Variants in KCNQ1 observed in about 807,000 individuals in gnomAD.
KCNQ1 encodes the protein potassium voltage-gated channel subfamily KQT member 1.
In KCNQ1, 49 loss-of-function variants were observed where a neutral mutation model predicts 72.4. The ratio of observed to expected loss-of-function variants is 0.68; its 90% CI spans 0.54 to 0.86. The LOEUF (loss-of-function observed/expected upper bound fraction) is 0.86. KCNQ1 is among the 40% of genes least tolerant of loss of function. The pLI, the probability that KCNQ1 is intolerant of heterozygous loss-of-function variation, is 0.00. For synonymous variants in KCNQ1, 450 were observed against 412.6 expected, an observed-to-expected ratio of 1.09 and a Z score of -1.10; for missense variants, 790 against 945.1, an observed-to-expected ratio of 0.84 and a Z score of 2.15.
chr11:2,514,181 G>A (rs1483896237), intron 1 of KCNQ1, among the ~76,000 whole-genome samples: 1 of 152,252 alleles, frequency 6.6e-6, no homozygotes, highest in African/African-American at 2.4e-5. Flanking sequence ...CGGCCATGGA[G>A]GCAGTGAGAA....
intron 11 of KCNQ1, chr11:2,693,763 G>C: frequency 2.5e-6 from 1 of 398,720 alleles, no homozygotes; most frequent in African/African-American, 2.1e-5. Context: ...CCAGTAACCT[G>C]GACATGCTGG....
chr11:2,553,424 C>A (rs1032436636), intron 2 of KCNQ1, among the ~76,000 whole-genome samples: 1 of 151,936 alleles, frequency 6.6e-6, no homozygotes, highest in African/African-American at 2.4e-5. Flanking sequence ...ACTTATCAGG[C>A]CAAGAAGTTC....
intron 2 of KCNQ1, among the ~76,000 whole-genome samples, chr11:2,551,134 A>G (rs1014281590): frequency 6.6e-6 from 1 of 152,152 alleles, no homozygotes; most frequent in Non-Finnish European, 1.5e-5. Flanking sequence ...TAAGTTACAT[A>G]CAGGAAAACT....
rs1363739563 is a variant in KCNQ1, at chr11:2,783,934, AT to A, written c.1794+5899del. On this transcript the variant is annotated intron_variant, in intron 15 of 15. Coordinates refer to ENST00000155840, the MANE Select transcript of KCNQ1 (RefSeq NM_000218.3). This position sits in a 1 kb window ranked among gnomAD's most constrained non-coding sequence, Gnocchi z 5.2. ...CTATGACTTGCAAATATTTTCTCCC[AT>A]TCTGTGGCTGTCTTTTCATTTCCTT... Among the ~76,000 whole-genome samples, 1 of 151,980 alleles carries A rather than the reference AT, an allele frequency of 6.6e-6. No homozygotes were observed. Among genetic ancestry groups the A allele is most frequent in the Non-Finnish European group, 1.5e-5 (1 of 67,874 alleles).
chr11:2,786,949 G>GTTTTTTTT (rs5789272), intron 15 of KCNQ1, among the ~76,000 whole-genome samples: 86 of 120,210 alleles, frequency 7.2e-4, no homozygotes, highest in Middle Eastern at 4.3e-3. Flanking sequence ...TTTCGTTTCT[G>GTTTTTTTT]TTTTTTTTTT....
chr11:2,801,674 A>G (rs913815030), intron 15 of KCNQ1, among the ~76,000 whole-genome samples: 3 of 152,146 alleles, frequency 2.0e-5, no homozygotes, highest in African/African-American at 7.2e-5. Flanking sequence ...TCAACATGTG[A>G]ATTTAGGAGG....
At position 2,679,566 on chromosome 11, in the gene KCNQ1, T is replaced by C; in HGVS notation, c.1514+17485T>C. The C allele has an allele frequency of 5.0e-6, 2 of 398,652 alleles. No homozygotes were observed. Among genetic ancestry groups the C allele is most frequent in the East Asian group, 7.1e-5 (2 of 28,084 alleles). The allele number at this position is 398,652 out of a possible 1,614,324, so 24.7% of individuals were successfully genotyped here. A position where few individuals can be genotyped will look rare whatever the true frequency, so the allele number is the denominator to read the frequency against. On this transcript the variant is annotated intron_variant, in intron 11 of 15. Transcript: ENST00000155840. The surrounding 1 kb of genome is among the most constrained non-coding windows in gnomAD (Gnocchi z 4.8). ...CCATCCATTGTAATCATGTGTACCA[T>C]GCAATTCACAGTGCCTGACAAAGCT... is the stretch of plus-strand genomic sequence containing the variant.
At chr11:2,700,034 T>G (rs1014506065) in intron 11 of KCNQ1, 4 of 398,054 alleles carry the variant, frequency 1.0e-5, no homozygotes, top group Non-Finnish European at 1.8e-5. Context: ...CCCCCGCCGC[T>G]GCCGACGTGG....
chr11:2,459,217 G>A (rs1269846403), intron 1 of KCNQ1, among the ~76,000 whole-genome samples: 1 of 152,242 alleles, frequency 6.6e-6, no homozygotes, highest in Non-Finnish European at 1.5e-5. Context: ...ACTGTGGTCT[G>A]TCTCCTCTGG....
At position 2,752,446 on chromosome 11, in the gene KCNQ1, C is replaced by T. The variant is rs912317944; in HGVS notation, c.1515-16398C>T. Reference sequence around the variant, plus strand: ...GGGATACCTAGTGTCTTAATCTGTTCAGTCTGCTATAACCAAATACCTTAG... The same window carrying T: ...GGGATACCTAGTGTCTTAATCTGTTTAGTCTGCTATAACCAAATACCTTAG... On this transcript the variant is annotated intron_variant, in intron 11 of 15. Coordinates refer to ENST00000155840, the MANE Select transcript of KCNQ1 (RefSeq NM_000218.3). This position sits in a 1 kb window ranked among gnomAD's most constrained non-coding sequence, Gnocchi z 5.2. 1.3e-5 allele frequency among the ~76,000 whole-genome samples: 2 copies of T among 152,100 alleles called. No homozygotes were observed. The highest frequency in any genetic ancestry group is 1.3e-4 in the Admixed American group (2 of 15,270).
intron 11 of KCNQ1, among the ~76,000 whole-genome samples, chr11:2,731,257 G>A (rs1845854082): frequency 6.6e-6 from 1 of 152,230 alleles, no homozygotes. Context: ...AAAGCCAAGG[G>A]TGGCAGGCGG....
intron 15 of KCNQ1, among the ~76,000 whole-genome samples, chr11:2,822,047 G>A (rs564591557): frequency 7.9e-5 from 12 of 152,332 alleles, no homozygotes; most frequent in African/African-American, 2.4e-4. Context: ...GTCAGTCAGC[G>A]GAGAAGACAG....
chr11:2,505,221 C>T (rs1010608964), intron 1 of KCNQ1, among the ~76,000 whole-genome samples: 4 of 151,374 alleles, frequency 2.6e-5, no homozygotes, highest in African/African-American at 7.4e-5. Context: ...TCTCCCTCTG[C>T]CCCCCTTTTT....
At chr11:2,572,284 C>T (rs945071285) in intron 5 of KCNQ1, among the ~76,000 whole-genome samples, 175 bp downstream of exon 5, 8 of 152,330 alleles carry the variant, frequency 5.3e-5, no homozygotes, top group Admixed American at 2.0e-4. Context: ...AGCTTGAGCC[C>T]AGCCTGGATG....
In KCNQ1 at chr11:2,750,214, AT is replaced by A. The variant is rs1388368833; in HGVS notation, c.1515-18629del. Among the ~76,000 whole-genome samples the A allele has an allele frequency of 6.6e-6, 1 of 152,196 alleles. No homozygotes were observed. The highest frequency in any genetic ancestry group is 2.4e-5 in the African/African-American group (1 of 41,454). ...GCTGGATCTCTGGGGAAGTTGAGGA[AT>A]GACATGTATTCCAGGGAAGAATTGG... On this transcript the variant is annotated intron_variant, in intron 11 of 15. Transcript: ENST00000155840. This position sits in a 1 kb window ranked among gnomAD's most constrained non-coding sequence, Gnocchi z 6.3.
Position 2,473,508 on chromosome 11 carries a change from G to T in KCNQ1, c.386+28024G>T, listed in dbSNP as rs780893064. 4.6e-5 allele frequency among the ~76,000 whole-genome samples: 7 copies of T among 152,198 alleles called. No homozygotes were observed. The highest frequency in any genetic ancestry group is 1.0e-4 in the Non-Finnish European group (7 of 68,036). On this transcript the variant is annotated intron_variant, in intron 1 of 15. Coordinates refer to ENST00000155840, the MANE Select transcript of KCNQ1 (RefSeq NM_000218.3). This position sits in a 1 kb window ranked among gnomAD's most constrained non-coding sequence, Gnocchi z 6.0. The stretch of plus-strand genomic sequence containing the variant: ...GCTGGGAAATCCAAGGGGCAAGGCC[G>T]TTTCCCGTCCTGGTCCGTCGTTGAG...
intron 2 of KCNQ1, among the ~76,000 whole-genome samples, chr11:2,556,669 C>T (rs1207772015): frequency 6.6e-6 from 1 of 152,176 alleles, no homozygotes; most frequent in Non-Finnish European, 1.5e-5. Flanking sequence ...CTTTCTATAC[C>T]CACAGAGCCG....
rs199472820 is a variant in KCNQ1 at position 2,847,833 on chromosome 11, G to A, written c.1861G>A (p.Gly621Ser). 5.7e-5 allele frequency: 90 copies of A among 1,568,874 alleles called. 1 individual carries two copies. Among genetic ancestry groups the A allele is most frequent in the African/African-American group, 3.9e-4 (29 of 74,044 alleles). ...GCTTCACCAGCTGCTCTCCTTGCAC[G>A]GTGGCAGCACCCCCGGCAGCGGCGG... ...DMLHQLLSLHGGSTPGSGGPP... is the reference protein window; with the variant it reads ...DMLHQLLSLHSGSTPGSGGPP... Residue 621 changes from glycine to serine, a missense_variant, in exon 16 of 16, where the codon GGT becomes AGT. Transcript: ENST00000155840.
Position 2,818,410 on chromosome 11 carries a change from G to A in KCNQ1, c.1795-29357G>A, listed in dbSNP as rs1847663583. Among the ~76,000 whole-genome samples, 1 of 152,186 alleles carries A rather than the reference G, an allele frequency of 6.6e-6. No individual in the cohort carries two copies. Among genetic ancestry groups the A allele is most frequent in the South Asian group, 2.1e-4 (1 of 4,834 alleles). ...GCCCCCACAGAGTGTGCATCCTAAG[G>A]TGGTTCAGAGGTCCTCAGAAAGTGC... On this transcript the variant is annotated intron_variant, in intron 15 of 15. Coordinates refer to ENST00000155840, the MANE Select transcript of KCNQ1 (RefSeq NM_000218.3). The surrounding 1 kb of genome is among the most constrained non-coding windows in gnomAD (Gnocchi z 7.2).
Sources: allele counts gnomAD v4.1 joint callset (sites outside exome capture counted in the v4.1 genomes callset), GRCh38; gene constraint gnomAD v4.1.1; non-coding constraint Gnocchi (gnomAD v3.1); transcripts MANE v1.5; gene names NCBI Gene and HGNC (gene_info 2026-07-23, HGNC 2026-07-21).